The following NAA35 variants were observed in gnomAD, a reference collection of about 807,000 sequenced individuals.
NAA35 encodes the protein MAK10 homolog, amino-acid N-acetyltransferase subunit.
NAA35 carries 18 observed loss-of-function variants against 101.7 expected under a neutral mutation model. The observed-to-expected ratio is 0.18, with a 90% confidence interval of 0.12 to 0.26. The LOEUF is 0.26. Among genes scored for constraint, NAA35 ranks in the 10% least tolerant of loss-of-function variants. The pLI is 1.00. For synonymous variants in NAA35, 267 were observed against 273.1 expected (o/e 0.98, Z 0.22); for missense variants, 601 against 886.8 (o/e 0.68, Z 4.09).
In NAA35 at chr9:86,016,019, TTA is replaced by T. The variant is rs145934950; in HGVS notation, c.1569-506_1569-505del. On this transcript the variant is annotated intron_variant, in intron 17 of 22. Coordinates refer to ENST00000361671, the MANE Select transcript of NAA35 (RefSeq NM_024635.4). The stretch of plus-strand genomic sequence containing the variant: ...TATGTTATGAAATGCATATATATTT[TTA>T]TATATATATATATCTCGTAGATTTG... 1.0e-3 allele frequency among the ~76,000 whole-genome samples: 156 copies of T among 150,362 alleles called. 1 individual carries two copies. The highest frequency in any genetic ancestry group is 1.4e-3 in the African/African-American group (56 of 41,126).
chr9:85,965,236 A>G (rs1188883944), intron 6 of NAA35, among the ~76,000 whole-genome samples: 2 of 152,242 alleles, frequency 1.3e-5, no homozygotes, highest in East Asian at 1.9e-4. Flanking sequence ...GTACAAGGAT[A>G]TTACTTACAG....
intron 2 of NAA35, 81 bp downstream of exon 2, chr9:85,942,364 G>T: frequency 6.5e-7 from 1 of 1,539,604 alleles, no homozygotes; most frequent in South Asian, 1.3e-5. Context: ...TACCTCATTA[G>T]ATGAAATCAA....
At chr9:86,010,264 A>ATAC (rs1439580857) in intron 15 of NAA35, among the ~76,000 whole-genome samples, 5 of 151,924 alleles carry the variant, frequency 3.3e-5, no homozygotes, top group Non-Finnish European at 7.4e-5. Flanking sequence ...AATAATAATA[A>ATAC]TAATAATAAA....
chr9:85,956,371 G>C lies in NAA35; in HGVS notation c.136G>C (p.Gly46Arg). Reference protein sequence around the residue: ...FEEACRELKLGELLHDKLFGL... With the variant: ...FEEACRELKLRELLHDKLFGL... ...CTTTTTTTTTTTAGAATTAAAGTTG[G>C]GAGAACTACTTCATGATAAGCTGTA... is the stretch of plus-strand genomic sequence containing the variant. Residue 46 changes from glycine to arginine, a missense_variant, in exon 3 of 23, where the codon GGA (glycine) becomes CGA (arginine). Gly to Arg is a moderately radical substitution (Grantham distance 125). Transcript: ENST00000361671. 7.2e-7 allele frequency: 1 copy of C among 1,391,928 alleles called. No homozygotes were observed. Among genetic ancestry groups the C allele is most frequent in the Non-Finnish European group, 9.8e-7 (1 of 1,024,564 alleles). The allele number at this position is 1,391,928 out of a possible 1,614,324, so 86.2% of individuals were successfully genotyped here.
intron 2 of NAA35, among the ~76,000 whole-genome samples, chr9:85,944,630 A>T (rs1186645898): frequency 6.6e-6 from 1 of 152,244 alleles, no homozygotes; most frequent in Non-Finnish European, 1.5e-5. Flanking sequence ...TTTCCTTCCC[A>T]GATCTTATGG....
chr9:86,015,818 C>G (rs947089988), intron 17 of NAA35: 50 of 975,028 alleles, frequency 5.1e-5, no homozygotes, highest in Non-Finnish European at 5.8e-5. Flanking sequence ...TCATCAGTTG[C>G]CTATAGAAAT....
At chr9:85,953,213 A>G (rs1049773790) in intron 2 of NAA35, among the ~76,000 whole-genome samples, 1 of 149,992 alleles carries the variant, frequency 6.7e-6, no homozygotes, top group Non-Finnish European at 1.5e-5. Context: ...ACCTGCCTCA[A>G]GAGATTTTTT....
intron 6 of NAA35, among the ~76,000 whole-genome samples, chr9:85,972,367 G>A (rs1284663695): frequency 2.6e-5 from 4 of 151,736 alleles, no homozygotes; most frequent in African/African-American, 9.7e-5. Context: ...AATTTAGCCC[G>A]GTGTGGTGGT....
Position 85,956,347 on chromosome 9 carries a change from T to C in NAA35, c.125-13T>C, listed in dbSNP as rs767010566. The C allele has an allele frequency of 8.1e-5, 53 of 652,698 alleles. No individual in the cohort carries two copies. Among genetic ancestry groups the C allele is most frequent in the Non-Finnish European group, 1.1e-4 (52 of 459,814 alleles). The allele number at this position is 652,698 out of a possible 1,614,324, so 40.4% of individuals were successfully genotyped here. A position where few individuals can be genotyped will look rare whatever the true frequency, so the allele number is the denominator to read the frequency against. ...TAAATATGTTCAAAGGGTTTTTCTCTTTTTTTTTTTAGAATTAAAGTTGGG... is the reference window on the plus strand; with the variant it reads ...TAAATATGTTCAAAGGGTTTTTCTCCTTTTTTTTTTAGAATTAAAGTTGGG... On this transcript the variant is annotated splice_polypyrimidine_tract_variant and intron_variant, in intron 2 of 22. Transcript: ENST00000361671.
intron 8 of NAA35, among the ~76,000 whole-genome samples, chr9:85,976,010 A>G (rs1253127899): frequency 6.6e-6 from 1 of 152,092 alleles, no homozygotes; most frequent in Non-Finnish European, 1.5e-5. Context: ...CAAACTTCAT[A>G]TTCTCTTTTT....
chr9:85,959,741 C>A, intron 4 of NAA35, 52 bp from the exon 5 acceptor site: 1 of 1,294,774 alleles, frequency 7.7e-7, no homozygotes, highest in Non-Finnish European at 1.1e-6. Flanking sequence ...ACATAGTAAC[C>A]ATAAGTTTAA....
intron 6 of NAA35, among the ~76,000 whole-genome samples, chr9:85,974,390 T>A (rs1348850785): frequency 6.6e-6 from 1 of 152,200 alleles, no homozygotes; most frequent in Non-Finnish European, 1.5e-5. Context: ...ATCACTTAAT[T>A]TGTTAATGAC....
chr9:85,992,642 A>C (rs1292536571), intron 11 of NAA35, among the ~76,000 whole-genome samples: 2 of 152,236 alleles, frequency 1.3e-5, no homozygotes, highest in East Asian at 3.8e-4. Context: ...AGTATACAGA[A>C]TTACTGGTCT....
intron 2 of NAA35, among the ~76,000 whole-genome samples, chr9:85,953,069 C>T (rs573063491): frequency 2.0e-4 from 30 of 152,156 alleles, no homozygotes; most frequent in African/African-American, 6.5e-4. Flanking sequence ...AAAAATTAGC[C>T]GGGCATGGTG....
intron 6 of NAA35, among the ~76,000 whole-genome samples, chr9:85,967,545 C>T (rs887358263): frequency 6.6e-5 from 10 of 152,100 alleles, no homozygotes; most frequent in South Asian, 2.1e-4. Context: ...CGGTGGCTCA[C>T]GCATGTAATT....
chr9:85,954,714 G>A (rs1829162629), intron 2 of NAA35, among the ~76,000 whole-genome samples: 3 of 152,134 alleles, frequency 2.0e-5, no homozygotes, highest in Non-Finnish European at 4.4e-5. Flanking sequence ...TGAAGCTGCA[G>A]CAGTTTTGCC....
At position 85,977,244 on chromosome 9, in the gene NAA35, A is replaced by G. The variant is rs1009920770; in HGVS notation, c.679-119A>G. On this transcript the variant is annotated intron_variant, in intron 9 of 22. Coordinates refer to ENST00000361671, the MANE Select transcript of NAA35 (RefSeq NM_024635.4). ...TCAGGCTTTTAAAAGCCTGTAAGTG[A>G]AGGTGCCTGTAATGTAGTAAGTTAT... 5.6e-6 allele frequency: 4 copies of G among 719,198 alleles called. No individual in the cohort carries two copies. The African/African-American group carries it at 7.2e-5, about 13-fold the overall frequency. The allele number at this position is 719,198 out of a possible 1,614,324, so 44.6% of individuals were successfully genotyped here.
At chr9:85,969,822 T>C (rs953416284) in intron 6 of NAA35, among the ~76,000 whole-genome samples, 1 of 148,230 alleles carries the variant, frequency 6.7e-6, no homozygotes, top group African/African-American at 2.5e-5. Flanking sequence ...ACAGTTGCAC[T>C]CCACTCCAGT....
chr9:86,013,518 G>T (rs1356950218), intron 16 of NAA35, among the ~76,000 whole-genome samples: 1 of 152,156 alleles, frequency 6.6e-6, no homozygotes, highest in Non-Finnish European at 1.5e-5. Flanking sequence ...TTGGTTTAAG[G>T]CATGTTTAGG....
Sources: gnomAD v4.1 joint callset for allele counts (sites outside exome capture counted in the v4.1 genomes callset) on GRCh38, gnomAD v4.1.1 for gene constraint, MANE v1.5 for transcripts, NCBI Gene and HGNC (gene_info 2026-07-23, HGNC 2026-07-21) for gene names.